The following FUNDC2 variants were observed in gnomAD, a reference collection of about 807,000 sequenced individuals.
The protein encoded by FUNDC2 is FUN14 domain-containing protein 2.
A neutral mutation model predicts 15.6 loss-of-function variants in FUNDC2; 4 were observed. That is an observed-to-expected ratio of 0.26 (90% confidence interval 0.13 to 0.59). The LOEUF (loss-of-function observed/expected upper bound fraction) is 0.59. FUNDC2 is among the 20% of genes least tolerant of loss of function. FUNDC2 has a pLI of 0.90. For synonymous variants in FUNDC2, 44 were observed against 56.9 expected, an observed-to-expected ratio of 0.77 and a Z score of 1.02; for missense variants, 98 against 149.7, an observed-to-expected ratio of 0.65 and a Z score of 1.80.
At chrX:155,027,168 C>G (rs990330124) in intron 1 of FUNDC2, 97 bp downstream of exon 1, 183 of 913,394 alleles carry the variant, frequency 2.0e-4, no homozygotes, top group Admixed American at 5.1e-4. Flanking sequence ...CGACCGAGCT[C>G]CCCGGGGAGT....
intron 1 of FUNDC2, 183 bp downstream of exon 1, chrX:155,027,254 ACG>A (rs1455737594): frequency 2.5e-6 from 1 of 406,479 alleles, no homozygotes; most frequent in Non-Finnish European, 3.7e-6. Context: ...GGCCAAGGTC[ACG>A]CGCGTGTCTG....
intron 1 of FUNDC2, among the ~76,000 whole-genome samples, chrX:155,028,377 C>A (rs1557288486): frequency 1.8e-5 from 2 of 111,849 alleles, no homozygotes. Flanking sequence ...CAGGCTACAG[C>A]ACAGTGGCAC....
intron 2 of FUNDC2, among the ~76,000 whole-genome samples, chrX:155,045,136 A>G (rs1158481102): frequency 1.8e-5 from 2 of 112,020 alleles, no homozygotes; most frequent in Non-Finnish European, 1.9e-5. Context: ...ATGTGTGGGG[A>G]AAAAGTCATA....
chrX:155,052,854 G>C (rs782062566), intron 4 of FUNDC2, among the ~76,000 whole-genome samples: 7 of 112,206 alleles, frequency 6.2e-5, no homozygotes, highest in Non-Finnish European at 9.4e-5. Flanking sequence ...ATAATGCATG[G>C]CTGGGCACAG....
chrX:155,029,714 T>C (rs1423852289), intron 1 of FUNDC2, among the ~76,000 whole-genome samples: 12 of 101,674 alleles, frequency 1.2e-4, no homozygotes, highest in Non-Finnish European at 2.0e-4. Flanking sequence ...GAGATTGTCA[T>C]TGCACTCCAG....
chrX:155,059,016 G>C lies in FUNDC2; in HGVS notation c.*4344G>C, dbSNP rs1204892023. 1 of 111,468 alleles carries C rather than the reference G, an allele frequency of 9.0e-6. No homozygotes were observed. The highest frequency in any genetic ancestry group is 1.9e-5 in the Non-Finnish European group (1 of 53,098). 9.2% of individuals were successfully genotyped at this position (111,468 alleles called of 1,213,427 possible). Reference sequence around the variant, plus strand: ...AAATTTTAAAAACTACTAATGCCTGGCTCTCATCCTAGAGATTCTGATTTC... The same window carrying C: ...AAATTTTAAAAACTACTAATGCCTGCCTCTCATCCTAGAGATTCTGATTTC... On this transcript the variant is annotated 3_prime_UTR_variant, in exon 5 of 5. Transcript: ENST00000369498.
At chrX:155,048,380 G>A (rs1178782255) in intron 3 of FUNDC2, among the ~76,000 whole-genome samples, 1 of 111,889 alleles carries the variant, frequency 8.9e-6, no homozygotes, top group Non-Finnish European at 1.9e-5. Flanking sequence ...ACTGATAATT[G>A]AGCAGAATTT....
At chrX:155,053,317 T>C (rs1192594541) in intron 4 of FUNDC2, among the ~76,000 whole-genome samples, 1 of 111,969 alleles carries the variant, frequency 8.9e-6, no homozygotes, top group Non-Finnish European at 1.9e-5. Flanking sequence ...GCCCTGGGGA[T>C]GTAGTGGCTG....
chrX:155,036,880 A>C (rs2124188681), intron 2 of FUNDC2, among the ~76,000 whole-genome samples: 1 of 110,971 alleles, frequency 9.0e-6, no homozygotes, highest in Admixed American at 9.6e-5. Context: ...CAAGTCTTGA[A>C]ATTTTGTTTT....
rs187786869 is a variant in FUNDC2, at chrX:155,046,662, C to G, written c.360+78C>G. 12 of 789,784 alleles carry G rather than the reference C, an allele frequency of 1.5e-5. No individual in the cohort carries two copies. The African/African-American group carries it at 2.4e-4, about 16-fold the overall frequency. 65.1% of individuals were successfully genotyped at this position (789,784 alleles called of 1,213,427 possible). On this transcript the variant is annotated intron_variant, in intron 3 of 4. Coordinates refer to ENST00000369498, the MANE Select transcript of FUNDC2 (RefSeq NM_023934.4). ...GAATGTGGTGTGGGGAGTTGTAATA[C>G]AGTCCTGGCTATGTCACACTAGACT... is the stretch of plus-strand genomic sequence containing the variant.
intron 2 of FUNDC2, among the ~76,000 whole-genome samples, chrX:155,043,155 G>C (rs1158744411): frequency 9.0e-6 from 1 of 111,251 alleles, no homozygotes; most frequent in Non-Finnish European, 1.9e-5. Flanking sequence ...GCCCAGGCTG[G>C]CCTTAAACAC....
At chrX:155,047,337 C>G (rs781806307) in intron 3 of FUNDC2, 15 of 341,006 alleles carry the variant, frequency 4.4e-5, no homozygotes, top group African/African-American at 1.3e-4. Context: ...GCCAGAGTCT[C>G]TGAATTCACA....
intron 2 of FUNDC2, among the ~76,000 whole-genome samples, chrX:155,038,706 A>G (rs1557289348): frequency 8.9e-6 from 1 of 112,619 alleles, no homozygotes; most frequent in African/African-American, 3.2e-5. Context: ...AGGGTTGAAC[A>G]GTATTCCATT....
At chrX:155,027,854 G>A (rs782144174) in intron 1 of FUNDC2, among the ~76,000 whole-genome samples, 1 of 111,531 alleles carries the variant, frequency 9.0e-6, no homozygotes, top group South Asian at 3.8e-4. Context: ...TCCCATCTCT[G>A]GGTTCAGTAG....
chrX:155,037,285 C>T (rs2124188971), intron 2 of FUNDC2, among the ~76,000 whole-genome samples: 1 of 111,196 alleles, frequency 9.0e-6, no homozygotes, highest in East Asian at 2.8e-4. Flanking sequence ...TGCTAAAAGC[C>T]ACTTACTAGT....
intron 2 of FUNDC2, among the ~76,000 whole-genome samples, chrX:155,037,044 A>G (rs1557289230): frequency 3.6e-5 from 4 of 111,835 alleles, no homozygotes. Context: ...GCATTGATCC[A>G]TAAACATTGG....
chrX:155,028,858 T>C (rs2073804992), intron 1 of FUNDC2, among the ~76,000 whole-genome samples: 1 of 112,173 alleles, frequency 8.9e-6, no homozygotes, highest in Admixed American at 9.4e-5. Context: ...TTGTATATTA[T>C]ACTGTAGCTT....
chrX:155,045,631 G>C (rs782525234), intron 2 of FUNDC2, among the ~76,000 whole-genome samples: 28 of 111,660 alleles, frequency 2.5e-4, no homozygotes, highest in Non-Finnish European at 4.9e-4. Flanking sequence ...TGAAGTCATG[G>C]GACAAAAGCC....
intron 2 of FUNDC2, among the ~76,000 whole-genome samples, chrX:155,034,039 A>G (rs2073823829): frequency 8.9e-6 from 1 of 112,707 alleles, no homozygotes. Flanking sequence ...TTTACATTTG[A>G]AAAATTTTAT....
Sources: allele counts gnomAD v4.1 joint callset (sites outside exome capture counted in the v4.1 genomes callset), GRCh38; gene constraint gnomAD v4.1.1; transcripts MANE v1.5; gene names NCBI Gene and HGNC (gene_info 2026-07-23, HGNC 2026-07-21).